Variants in CDH13 observed in about 807,000 individuals in gnomAD.
CDH13 encodes cadherin-13.
In CDH13, 24 loss-of-function variants were observed where a neutral mutation model predicts 63.8. The observed-to-expected ratio is 0.38, with a 90% CI of 0.27 to 0.53. CDH13 has a LOEUF of 0.53. Ranked by LOEUF, CDH13 falls within the 20% of genes least tolerant of loss-of-function variation. The pLI is 0.85. For missense variants in CDH13, 1,049 were observed against 903.1 expected, an observed-to-expected ratio of 1.16 and a Z score of -2.07; for synonymous variants, 503 against 355.3, an observed-to-expected ratio of 1.42 and a Z score of -4.67.
chr16:83,324,647 A>G (rs542154436), intron 5 of CDH13, among the ~76,000 whole-genome samples: 2 of 152,306 alleles, frequency 1.3e-5, no homozygotes, highest in South Asian at 2.1e-4. Context: ...TCATTCATTC[A>G]CTGATGGACA....
intron 5 of CDH13, among the ~76,000 whole-genome samples, chr16:83,218,222 G>T (rs11643317): frequency 6.6e-6 from 1 of 152,114 alleles, no homozygotes; most frequent in South Asian, 2.1e-4. Flanking sequence ...CTATAAGGGC[G>T]TTGGAGGCAT....
chr16:83,440,140 A>C (rs1361490341), intron 6 of CDH13, among the ~76,000 whole-genome samples: 2 of 152,186 alleles, frequency 1.3e-5, no homozygotes, highest in Non-Finnish European at 2.9e-5. Context: ...TTGGGGATGG[A>C]GAAAAAGGGA....
In CDH13 at chr16:83,089,268, C is replaced by T. The variant is rs560023936; in HGVS notation, c.367-36117C>T. ...CGTCACATCTCTATTTGATCATTAG[C>T]GTATAGACTTTTGGTCCTTCATAAA... On this transcript the variant is annotated intron_variant, in intron 3 of 13. Coordinates refer to ENST00000567109, the MANE Select transcript of CDH13 (RefSeq NM_001257.5). 1.3e-4 allele frequency among the ~76,000 whole-genome samples: 20 copies of T among 152,248 alleles called. No homozygotes were observed. The South Asian group carries it at 1.7e-3, about 13-fold the overall frequency.
intron 4 of CDH13, among the ~76,000 whole-genome samples, chr16:83,186,079 C>CTTTTT (rs908822281): frequency 3.7e-5 from 5 of 135,074 alleles, no homozygotes; most frequent in Non-Finnish European, 8.2e-5. Flanking sequence ...TTAAAGGCAT[C>CTTTTT]TTTTTATTTT....
At position 82,858,366 on chromosome 16, in the gene CDH13, T is replaced by C. The variant is rs755861546; in HGVS notation, c.50T>C (p.Leu17Pro). The C allele has an allele frequency of 1.1e-5, 17 of 1,609,310 alleles. No homozygotes were observed. Among genetic ancestry groups the C allele is most frequent in the Non-Finnish European group, 2.6e-6 (3 of 1,175,826 alleles). ...LVLCVLLSQVLLLTSAEDLDC... is the reference protein window; with the variant it reads ...LVLCVLLSQVPLLTSAEDLDC... ...TGATGGCTTTGGTTTTCTCAGGTGC[T>C]GCTGCTAACATCTGCAGAAGATTTG... The change falls in exon 2 of 14, where the codon CTG (leucine) becomes CCG (proline). Residue 17 changes from leucine (L) to proline (P), a missense_variant. By Grantham distance (98) the Leu-to-Pro change is moderately conservative. Transcript: ENST00000567109.
rs1394067950 is a variant in CDH13, at chr16:83,783,381, C to T, written c.2043C>T (p.Ser681=). The T allele has an allele frequency of 6.2e-7, 1 of 1,614,026 alleles. No individual in the cohort carries two copies. The highest frequency in any genetic ancestry group is 1.7e-5 in the Admixed American group (1 of 60,028). Reference sequence around the variant, plus strand: ...CAGATCTCAGGGTACAAGTGTGCTCCTGCAGGAATTCCAAAGTGGACTGCA... The same window carrying T: ...CAGATCTCAGGGTACAAGTGTGCTCTTGCAGGAATTCCAAAGTGGACTGCA... ...NITDLRVQVC[S]CRNSKVDCNA... Residue 681 remains serine (S), a synonymous_variant, in exon 13 of 14, where the codon TCC becomes TCT. Transcript: ENST00000567109.
At chr16:82,931,435 T>C (rs2042487942) in intron 2 of CDH13, among the ~76,000 whole-genome samples, 1 of 152,140 alleles carries the variant, frequency 6.6e-6, no homozygotes, top group South Asian at 2.1e-4. Context: ...CATTCAACCC[T>C]TGATGCTATG....
chr16:83,371,728 G>T (rs1284251138), intron 6 of CDH13, among the ~76,000 whole-genome samples: 2 of 152,194 alleles, frequency 1.3e-5, no homozygotes, highest in Non-Finnish European at 2.9e-5. Context: ...GGAAGGCTTT[G>T]CATGTAAGAA....
chr16:83,204,379 T>C (rs2039120981), intron 4 of CDH13, among the ~76,000 whole-genome samples: 1 of 152,236 alleles, frequency 6.6e-6, no homozygotes, highest in Non-Finnish European at 1.5e-5. Context: ...GCCTGTAAAA[T>C]GCTAAGAATA....
intron 4 of CDH13, among the ~76,000 whole-genome samples, chr16:83,191,506 C>CGCATATAT (rs2038708080): frequency 1.6e-5 from 1 of 62,118 alleles, no homozygotes; most frequent in African/African-American, 5.0e-5. Context: ...TATATATATA[C>CGCATATAT]ACACACACAC....
intron 7 of CDH13, among the ~76,000 whole-genome samples, chr16:83,563,028 G>A (rs1055311415): frequency 2.0e-5 from 3 of 152,120 alleles, no homozygotes; most frequent in African/African-American, 2.4e-5. Context: ...TGTAGTAGAA[G>A]GACCATTGGA....
At chr16:82,876,341 C>T (rs1262241133) in intron 2 of CDH13, among the ~76,000 whole-genome samples, 2 of 152,164 alleles carry the variant, frequency 1.3e-5, no homozygotes, top group African/African-American at 2.4e-5. Context: ...GTGAATAGTA[C>T]ATTTTCCTAG....
rs148921010 is a variant in CDH13 at position 83,161,067 on chromosome 16, T to C, written c.483+35566T>C. On this transcript the variant is annotated intron_variant, in intron 4 of 13. Transcript: ENST00000567109. Reference sequence around the variant, plus strand: ...GACTGAGCATCAGCATGCCTGGTGTTCTTATACGTCATACATGAAAGAGAT... The same window carrying C: ...GACTGAGCATCAGCATGCCTGGTGTCCTTATACGTCATACATGAAAGAGAT... Among the ~76,000 whole-genome samples, 1,006 of 152,326 alleles carry C rather than the reference T, an allele frequency of 6.6e-3. 15 individuals are homozygous for C. Among genetic ancestry groups the C allele is most frequent in the African/African-American group, 0.023 (971 of 41,570 alleles).
chr16:83,701,995 T>C (rs1415284222), intron 10 of CDH13, among the ~76,000 whole-genome samples: 1 of 152,186 alleles, frequency 6.6e-6, no homozygotes, highest in Non-Finnish European at 1.5e-5. Flanking sequence ...AGGGAGATAA[T>C]ACCTAGAGGA....
intron 1 of CDH13, among the ~76,000 whole-genome samples, chr16:82,806,413 G>T (rs533549963): frequency 6.6e-6 from 1 of 152,218 alleles, no homozygotes; most frequent in South Asian, 2.1e-4. Flanking sequence ...TTTAGAATTT[G>T]AAATACAAGA....
chr16:83,594,130 T>C (rs527558042), intron 7 of CDH13, among the ~76,000 whole-genome samples: 36 of 152,334 alleles, frequency 2.4e-4, no homozygotes, highest in African/African-American at 7.5e-4. Flanking sequence ...TCAGTGGCTG[T>C]TGGCAGCATG....
At chr16:83,167,762 C>A (rs991896085) in intron 4 of CDH13, among the ~76,000 whole-genome samples, 3 of 151,242 alleles carry the variant, frequency 2.0e-5, no homozygotes, top group Admixed American at 1.3e-4. Flanking sequence ...AATAGTTCAA[C>A]TGGATAGACA....
intron 5 of CDH13, among the ~76,000 whole-genome samples, chr16:83,273,700 T>C (rs1322669667): frequency 1.3e-5 from 2 of 152,210 alleles, no homozygotes; most frequent in Non-Finnish European, 2.9e-5. Flanking sequence ...GACATAGGTT[T>C]CAAGTTAACT....
At chr16:83,003,079 T>C (rs1489800826) in intron 2 of CDH13, among the ~76,000 whole-genome samples, 1 of 152,208 alleles carries the variant, frequency 6.6e-6, no homozygotes. Context: ...AATAGGAATC[T>C]TAATTTGATG....
Sources: gnomAD v4.1 joint callset for allele counts (sites outside exome capture counted in the v4.1 genomes callset) on GRCh38, gnomAD v4.1.1 for gene constraint, MANE v1.5 for transcripts, NCBI Gene and HGNC (gene_info 2026-07-23, HGNC 2026-07-21) for gene names.